The following ZBTB8A variants were observed in gnomAD, a reference collection of about 807,000 sequenced individuals.
ZBTB8A encodes zinc finger and BTB domain containing 8A.
ZBTB8A carries 19 observed loss-of-function variants against 37.8 expected under a neutral mutation model. The observed-to-expected ratio is 0.50, with a 90% CI of 0.35 to 0.74. ZBTB8A has a LOEUF of 0.74. ZBTB8A is among the 30% of genes least tolerant of loss of function. The probability of loss-of-function intolerance (pLI) is 0.01; values close to 1 mark genes in which losing one functional copy is unlikely to be tolerated. For synonymous variants in ZBTB8A, 181 were observed against 185.2 expected (o/e 0.98, Z 0.19); for missense variants, 394 against 537.8 (o/e 0.73, Z 2.65).
chr1:32,581,423 C>T (rs1413455857), intron 2 of ZBTB8A, among the ~76,000 whole-genome samples: 1 of 147,882 alleles, frequency 6.8e-6, no homozygotes, highest in Non-Finnish European at 1.5e-5. Flanking sequence ...AAGACCTTGG[C>T]TCACTGCAAC....
At chr1:32,574,179 A>G (rs907088816) in intron 2 of ZBTB8A, among the ~76,000 whole-genome samples, 3 of 152,190 alleles carry the variant, frequency 2.0e-5, no homozygotes, top group Non-Finnish European at 4.4e-5. Context: ...AGAGTATTCT[A>G]TAAATGTCTA....
chr1:32,576,143 T>A (rs1644357541), intron 2 of ZBTB8A, among the ~76,000 whole-genome samples: 1 of 152,200 alleles, frequency 6.6e-6, no homozygotes, highest in Admixed American at 6.5e-5. Context: ...TTTACATATT[T>A]TTTCATCAAG....
At chr1:32,565,454 G>T (rs1644271332) in intron 2 of ZBTB8A, among the ~76,000 whole-genome samples, 1 of 152,090 alleles carries the variant, frequency 6.6e-6, no homozygotes, top group Non-Finnish European at 1.5e-5. Context: ...GGGAGTTAAA[G>T]ATCAACCTGA....
chr1:32,591,735 C>A (rs1177059148), intron 2 of ZBTB8A, among the ~76,000 whole-genome samples: 1 of 151,968 alleles, frequency 6.6e-6, no homozygotes, highest in Non-Finnish European at 1.5e-5. Flanking sequence ...CAACATAGAC[C>A]TCATCTCTAT....
intron 2 of ZBTB8A, among the ~76,000 whole-genome samples, chr1:32,579,972 T>C (rs1644391162): frequency 6.6e-6 from 1 of 152,222 alleles, no homozygotes; most frequent in Admixed American, 6.6e-5. Context: ...TAGTTAGTTA[T>C]CTTGTCTAAT....
At chr1:32,582,914 T>G (rs1465064866) in intron 2 of ZBTB8A, among the ~76,000 whole-genome samples, 2 of 152,126 alleles carry the variant, frequency 1.3e-5, no homozygotes, top group African/African-American at 4.8e-5. Context: ...TCTGGGAGAT[T>G]TGGGATTTCG....
chr1:32,571,051 A>G (rs1644319111), intron 2 of ZBTB8A, among the ~76,000 whole-genome samples: 1 of 151,832 alleles, frequency 6.6e-6, no homozygotes, highest in Non-Finnish European at 1.5e-5. Context: ...TATTTGTGTA[A>G]TTTTAGCAGA....
intron 1 of ZBTB8A, among the ~76,000 whole-genome samples, chr1:32,547,639 A>AG (rs1345027624): frequency 2.7e-5 from 4 of 149,020 alleles, no homozygotes; most frequent in Admixed American, 6.7e-5. Flanking sequence ...AAAAAAAAAA[A>AG]AAAAGAAAGA....
Position 32,561,227 on chromosome 1 carries a change from T to C in ZBTB8A, c.-2+7687T>C, listed in dbSNP as rs1644241835. Reference sequence around the variant, plus strand: ...TTTGTGATTATACCAGTCTGTGCCTTGGCTCAAACTATATCTTCTGCCTAG... The same window carrying C: ...TTTGTGATTATACCAGTCTGTGCCTCGGCTCAAACTATATCTTCTGCCTAG... On this transcript the variant is annotated intron_variant, in intron 2 of 4. Coordinates refer to ENST00000373510, the MANE Select transcript of ZBTB8A (RefSeq NM_001040441.3). Among the ~76,000 whole-genome samples, 3 of 152,312 alleles carry C rather than the reference T, an allele frequency of 2.0e-5. 1 individual carries two copies. The South Asian group carries it at 6.2e-4, about 32-fold the overall frequency.
intron 2 of ZBTB8A, among the ~76,000 whole-genome samples, chr1:32,558,074 A>G (rs574498609): frequency 6.6e-6 from 1 of 152,298 alleles, no homozygotes; most frequent in South Asian, 2.1e-4. Flanking sequence ...CATATCACAT[A>G]CACATATATA....
chr1:32,569,779 CT>C (rs112388842), intron 2 of ZBTB8A, among the ~76,000 whole-genome samples: 8,880 of 141,354 alleles, frequency 0.063, 282 homozygotes, highest in Admixed American at 0.11. Flanking sequence ...CATGCTATTT[CT>C]TTTTTTTTTT....
chr1:32,581,288 A>G (rs1297215877), intron 2 of ZBTB8A, among the ~76,000 whole-genome samples: 1 of 93,584 alleles, frequency 1.1e-5, no homozygotes, highest in Non-Finnish European at 2.0e-5. Context: ...ATATTAATAT[A>G]TATTTATATA....
intron 2 of ZBTB8A, among the ~76,000 whole-genome samples, chr1:32,569,528 G>C (rs1179555168): frequency 1.3e-5 from 2 of 150,722 alleles, no homozygotes; most frequent in East Asian, 2.0e-4. Context: ...TGAGTAGCTA[G>C]AACTACAGGC....
At chr1:32,590,553 T>G (rs1034458344) in intron 2 of ZBTB8A, among the ~76,000 whole-genome samples, 1 of 152,182 alleles carries the variant, frequency 6.6e-6, no homozygotes, top group African/African-American at 2.4e-5. Context: ...CTGTGCTGCC[T>G]CCGCTTAGCT....
chr1:32,578,881 A>G (rs1324274485), intron 2 of ZBTB8A, among the ~76,000 whole-genome samples: 2 of 151,974 alleles, frequency 1.3e-5, no homozygotes, highest in Non-Finnish European at 2.9e-5. Context: ...GCCCAGCACT[A>G]ATCTTTTTTT....
At chr1:32,550,852 G>A (rs1206200545) in intron 1 of ZBTB8A, among the ~76,000 whole-genome samples, 1 of 150,616 alleles carries the variant, frequency 6.6e-6, no homozygotes, top group Non-Finnish European at 1.5e-5. Context: ...AGCTACTTGG[G>A]AGGCTGAGGC....
intron 2 of ZBTB8A, among the ~76,000 whole-genome samples, chr1:32,568,621 C>T (rs886217199): frequency 3.9e-5 from 6 of 152,218 alleles, no homozygotes; most frequent in East Asian, 1.9e-4. Context: ...CTCCTAACCT[C>T]GTGATCCGCC....
intron 2 of ZBTB8A, among the ~76,000 whole-genome samples, chr1:32,560,611 C>CTTTT (rs1239557039): frequency 1.6e-5 from 2 of 127,558 alleles, no homozygotes; most frequent in Admixed American, 7.9e-5. Context: ...CTTTTCTTTT[C>CTTTT]TTTCTTTTTT....
chr1:32,564,071 G>A (rs1056128018), intron 2 of ZBTB8A, among the ~76,000 whole-genome samples: 3 of 152,186 alleles, frequency 2.0e-5, no homozygotes, highest in Non-Finnish European at 4.4e-5. Context: ...CAGACTGCAT[G>A]CTGTCACTGG....
Sources: gnomAD v4.1 joint callset for allele counts (sites outside exome capture counted in the v4.1 genomes callset) on GRCh38, gnomAD v4.1.1 for gene constraint, MANE v1.5 for transcripts, NCBI Gene and HGNC (gene_info 2026-07-23, HGNC 2026-07-21) for gene names.